ANKRD42: variants seen among roughly 807,000 people sequenced by gnomAD.
ANKRD42 encodes the protein ankyrin repeat domain-containing protein 42.
In ANKRD42, 43 loss-of-function variants were observed where a neutral mutation model predicts 51.5. The observed-to-expected ratio is 0.83, with a 90% confidence interval of 0.65 to 1.08. The LOEUF (loss-of-function observed/expected upper bound fraction) is 1.08, where lower values mean the gene tolerates loss of function less well. ANKRD42 is among the 50% of genes least tolerant of loss of function. The pLI is 0.00. For synonymous variants in ANKRD42, 203 were observed against 213.0 expected (o/e 0.95, Z 0.41); for missense variants, 608 against 629.3 (o/e 0.97, Z 0.36).
downstream of ANKRD42, among the ~76,000 whole-genome samples, chr11:83,263,974 T>A (rs1355233128): frequency 1.3e-5 from 2 of 152,206 alleles, no homozygotes; most frequent in Admixed American, 1.3e-4. Flanking sequence ...TCGGCAGTTT[T>A]CTTTTAGACA....
At chr11:83,206,885 A>C (rs1294219560) in intron 3 of ANKRD42, among the ~76,000 whole-genome samples, 1 of 152,202 alleles carries the variant, frequency 6.6e-6, no homozygotes, top group East Asian at 1.9e-4. Context: ...TTATTAGAGT[A>C]ATTAATTTAT....
intron 8 of ANKRD42, among the ~76,000 whole-genome samples, chr11:83,240,304 A>G (rs1863347881): frequency 6.6e-6 from 1 of 152,180 alleles, no homozygotes; most frequent in Non-Finnish European, 1.5e-5. Context: ...TGGCTTGAGG[A>G]AGGGTGAAGA....
At chr11:83,231,825 G>A (rs1863080005) in intron 7 of ANKRD42, among the ~76,000 whole-genome samples, 1 of 152,034 alleles carries the variant, frequency 6.6e-6, no homozygotes, top group Non-Finnish European at 1.5e-5. Context: ...TTTACCCAGT[G>A]TATGTTCTTG....
chr11:83,249,413 C>T (rs533419400), downstream of ANKRD42, among the ~76,000 whole-genome samples: 19 of 152,138 alleles, frequency 1.2e-4, no homozygotes, highest in African/African-American at 3.9e-4. Flanking sequence ...TTTGTAAGGA[C>T]GGGATCTTGC....
chr11:83,241,415 T>C (rs926275243), intron 9 of ANKRD42, among the ~76,000 whole-genome samples: 3 of 147,516 alleles, frequency 2.0e-5, no homozygotes, highest in Non-Finnish European at 4.6e-5. Context: ...ATAAAGTAAA[T>C]AGAGTAGAGT....
At chr11:83,235,851 A>C (rs1863207185) in intron 7 of ANKRD42, among the ~76,000 whole-genome samples, 1 of 152,234 alleles carries the variant, frequency 6.6e-6, no homozygotes, top group Non-Finnish European at 1.5e-5. Flanking sequence ...CAAAGGTGGT[A>C]AACAGTTTAG....
At chr11:83,251,363 A>G (rs1232710966), downstream of ANKRD42, among the ~76,000 whole-genome samples, 2 of 152,176 alleles carry the variant, frequency 1.3e-5, no homozygotes, top group African/African-American at 4.8e-5. Context: ...CTGAAAATCT[A>G]AGTTTTATAA....
chr11:83,225,205 A>G (rs1862840153), intron 6 of ANKRD42, 150 bp downstream of exon 6: 1 of 593,376 alleles, frequency 1.7e-6, no homozygotes, highest in African/African-American at 1.9e-5. Context: ...TATATAACAT[A>G]TTAAAATTTA....
intron 2 of ANKRD42, 108 bp downstream of exon 2, chr11:83,198,750 T>C: frequency 9.7e-7 from 1 of 1,027,738 alleles, no homozygotes; most frequent in Non-Finnish European, 1.3e-6. Context: ...ATATATTTTC[T>C]TTTCAGTCAT....
chr11:83,224,867 C>T lies in ANKRD42; in HGVS notation c.599C>T (p.Ala200Val). The T allele has an allele frequency of 6.3e-7, 1 of 1,598,978 alleles. No homozygotes were observed. The highest frequency in any genetic ancestry group is 1.1e-5 in the South Asian group (1 of 87,826). The change falls in exon 6 of 11, where the codon GCC becomes GTC. Residue 200 changes from alanine to valine, a missense_variant. Coordinates refer to ENST00000533342, the MANE Select transcript of ANKRD42 (RefSeq NM_001300975.2). ...YNGNLPVHLAAMEGHLHCFKF... is the reference protein window; with the variant it reads ...YNGNLPVHLAVMEGHLHCFKF... Reference sequence around the variant, plus strand: ...TCCTTTCCTCTAGTTCACTTAGCAGCCATGGAAGGCCACCTTCACTGTTTC... The same window carrying T: ...TCCTTTCCTCTAGTTCACTTAGCAGTCATGGAAGGCCACCTTCACTGTTTC...
rs1225886893 is a variant in ANKRD42, at chr11:83,193,875, G to T, written c.-796G>T. 1 of 454,860 alleles carries T rather than the reference G, an allele frequency of 2.2e-6. No individual in the cohort carries two copies. The highest frequency in any genetic ancestry group is 2.0e-5 in the African/African-American group (1 of 50,008). 28.2% of individuals were successfully genotyped at this position (454,860 alleles called of 1,614,324 possible). On this transcript the variant is annotated 5_prime_UTR_variant, in exon 1 of 11. Transcript: ENST00000533342. ...GTGGCCGCCGCACTAGCCACCACGT[G>T]TGGAGGATAAACGGTCTACACGGCC...
intron 5 of ANKRD42, chr11:83,213,149 T>G: frequency 6.2e-7 from 1 of 1,601,788 alleles, no homozygotes; most frequent in Non-Finnish European, 8.5e-7. Context: ...TCGTAGAAGG[T>G]TCAAGGACCA....
chr11:83,208,904 C>T (rs1373776698), intron 3 of ANKRD42, among the ~76,000 whole-genome samples: 1 of 152,112 alleles, frequency 6.6e-6, no homozygotes, highest in East Asian at 1.9e-4. Context: ...CCTCAGCCTC[C>T]CAAAGTGCCA....
At chr11:83,225,179 A>T (rs1862839490) in intron 6 of ANKRD42, 124 bp downstream of exon 6, 2 of 751,270 alleles carry the variant, frequency 2.7e-6, no homozygotes, top group Non-Finnish European at 4.0e-6. Context: ...ATATGTAAAA[A>T]TATAAACATG....
intron 2 of ANKRD42, among the ~76,000 whole-genome samples, chr11:83,204,770 C>T (rs972172038): frequency 2.0e-5 from 3 of 152,042 alleles, no homozygotes; most frequent in East Asian, 3.8e-4. Context: ...TTGCAAATCA[C>T]GTACCTAAGA....
intron 2 of ANKRD42, among the ~76,000 whole-genome samples, chr11:83,203,110 G>A (rs1242923552): frequency 1.3e-5 from 2 of 150,378 alleles, no homozygotes; most frequent in African/African-American, 4.9e-5. Context: ...TCCCACCTCA[G>A]CCTCTTATGT....
chr11:83,196,291 G>A (rs917100669), intron 1 of ANKRD42, among the ~76,000 whole-genome samples: 7 of 152,104 alleles, frequency 4.6e-5, no homozygotes, highest in Admixed American at 3.3e-4. Context: ...GTCTGCTCAA[G>A]TCCAAGTTTT....
At chr11:83,218,932 C>A (rs977843602) in intron 5 of ANKRD42, among the ~76,000 whole-genome samples, 1 of 152,164 alleles carries the variant, frequency 6.6e-6, no homozygotes, top group Non-Finnish European at 1.5e-5. Context: ...TTAATACTTC[C>A]CTCAGGGGGC....
At chr11:83,255,883 G>A in exon 12 of ANKRD42, 1 of 1,533,782 alleles carries the variant, frequency 6.5e-7, no homozygotes, top group East Asian at 2.4e-5. Context: ...AAGAGAAGAG[G>A]CGAGTAAAAA....
Sources: allele counts gnomAD v4.1 joint callset (sites outside exome capture counted in the v4.1 genomes callset), GRCh38; gene constraint gnomAD v4.1.1; transcripts MANE v1.5; gene names NCBI Gene and HGNC (gene_info 2026-07-23, HGNC 2026-07-21).